The following ROBO2 variants were observed in gnomAD, a reference collection of about 807,000 sequenced individuals.
ROBO2 encodes the protein roundabout guidance receptor 2.
ROBO2 carries 53 observed loss-of-function variants against 160.8 expected under a neutral mutation model. The ratio of observed to expected loss-of-function variants is 0.33; its 90% CI spans 0.26 to 0.41. The LOEUF (loss-of-function observed/expected upper bound fraction) is 0.41. Ranked by LOEUF, ROBO2 falls within the 10% of genes least tolerant of loss-of-function variation. The pLI is 1.00. For missense variants in ROBO2, 1,577 were observed against 1,722.4 expected (o/e 0.92, Z 1.49); for synonymous variants, 664 against 611.7 (o/e 1.09, Z -1.26).
intron 2 of ROBO2, among the ~76,000 whole-genome samples, chr3:76,468,570 T>G (rs530571658): frequency 1.3e-5 from 2 of 152,228 alleles, no homozygotes; most frequent in East Asian, 3.9e-4. Context: ...TGCCTTTATA[T>G]AATGTGGCCT....
chr3:76,940,849 G>C (rs2078140958), intron 2 of ROBO2, among the ~76,000 whole-genome samples: 1 of 152,138 alleles, frequency 6.6e-6, no homozygotes, highest in African/African-American at 2.4e-5. Flanking sequence ...TCATCTGCAG[G>C]CTGATGATAT....
chr3:77,202,722 ATTC>A (rs1470379095), intron 2 of ROBO2, among the ~76,000 whole-genome samples: 3 of 150,822 alleles, frequency 2.0e-5, no homozygotes, highest in Non-Finnish European at 4.4e-5. Flanking sequence ...TCTTCCTCAC[ATTC>A]TTCTTCTCTT....
At chr3:76,067,024 G>A (rs890564745) in intron 2 of ROBO2, among the ~76,000 whole-genome samples, 1 of 152,004 alleles carries the variant, frequency 6.6e-6, no homozygotes, top group Admixed American at 6.6e-5. Context: ...GGACAAATAC[G>A]AGTCTCCAGC....
intron 2 of ROBO2, among the ~76,000 whole-genome samples, chr3:76,595,409 C>G (rs1282770082): frequency 6.6e-6 from 1 of 151,792 alleles, no homozygotes; most frequent in Non-Finnish European, 1.5e-5. Flanking sequence ...ATAACATTTT[C>G]ACAAAAATAT....
chr3:76,683,990 A>T (rs1178581379), intron 2 of ROBO2, among the ~76,000 whole-genome samples: 1 of 152,072 alleles, frequency 6.6e-6, no homozygotes, highest in Non-Finnish European at 1.5e-5. Flanking sequence ...TTCTAGAAAG[A>T]CTTTGCAAAT....
In ROBO2 at chr3:76,740,196, A is replaced by G. The variant is rs531077245; in HGVS notation, c.110-357818A>G. Among the ~76,000 whole-genome samples, 4 of 152,322 alleles carry G rather than the reference A, an allele frequency of 2.6e-5. No individual in the cohort carries two copies. The South Asian group carries it at 8.3e-4, about 32-fold the overall frequency. On this transcript the variant is annotated intron_variant, in intron 2 of 26. Coordinates refer to the ROBO2 transcript ENST00000487694. Reference sequence around the variant, plus strand: ...AAGATACAAAGGAGGATACACTTGTACAAGTTCAATAAGATAAAAAGGAGA... The same window carrying G: ...AAGATACAAAGGAGGATACACTTGTGCAAGTTCAATAAGATAAAAAGGAGA...
intron 2 of ROBO2, among the ~76,000 whole-genome samples, chr3:76,455,095 A>G (rs747808975): frequency 6.6e-6 from 1 of 152,262 alleles, no homozygotes; most frequent in Non-Finnish European, 1.5e-5. Flanking sequence ...CATAAAGTAT[A>G]CAGTGTTTCA....
intron 2 of ROBO2, among the ~76,000 whole-genome samples, chr3:76,058,623 G>A (rs559400833): frequency 2.6e-5 from 2 of 76,216 alleles, no homozygotes; most frequent in East Asian, 5.8e-4. Flanking sequence ...TTGCTATTTG[G>A]TATGCAAGAT....
At chr3:76,180,759 T>C (rs1701465182) in intron 2 of ROBO2, among the ~76,000 whole-genome samples, 1 of 152,162 alleles carries the variant, frequency 6.6e-6, no homozygotes, top group South Asian at 2.1e-4. Flanking sequence ...TTTAAAAGCA[T>C]GAATCAGATT....
chr3:76,049,403 A>ATTTTTTTTTT lies in ROBO2; in HGVS notation c.109+111813_109+111822dup, dbSNP rs1167852972. ...TTTTAGTATATATATATATATATAT[A>ATTTTTTTTTT]TTTTTTTTTTTTTTTTTTTTTGTAG... On this transcript the variant is annotated intron_variant, in intron 2 of 26. Transcript: ENST00000487694. 7.3e-3 allele frequency among the ~76,000 whole-genome samples: 392 copies of ATTTTTTTTTT among 53,724 alleles called. 3 individuals are homozygous for ATTTTTTTTTT. Among genetic ancestry groups the ATTTTTTTTTT allele is most frequent in the Non-Finnish European group, 7.6e-3 (278 of 36,384 alleles). The allele number at this position is 53,724 out of a possible 152,430, so 35.2% of individuals were successfully genotyped here.
chr3:77,177,877 G>A (rs763268344), intron 2 of ROBO2, among the ~76,000 whole-genome samples: 6 of 151,810 alleles, frequency 4.0e-5, no homozygotes, highest in African/African-American at 7.3e-5. Context: ...AATTATGTAC[G>A]TATATGTGCT....
intron 2 of ROBO2, among the ~76,000 whole-genome samples, chr3:76,795,712 C>A (rs974974457): frequency 6.6e-6 from 1 of 152,052 alleles, no homozygotes; most frequent in Admixed American, 6.6e-5. Flanking sequence ...TTTGAACATC[C>A]CATTAATGTT....
At chr3:76,447,958 G>C (rs938444153) in intron 2 of ROBO2, among the ~76,000 whole-genome samples, 2 of 150,786 alleles carry the variant, frequency 1.3e-5, no homozygotes, top group African/African-American at 2.4e-5. Context: ...CGAGTTAATG[G>C]GTGCAGCACA....
chr3:75,976,471 C>G (rs1464911417), intron 2 of ROBO2, among the ~76,000 whole-genome samples: 1 of 151,474 alleles, frequency 6.6e-6, no homozygotes, highest in Non-Finnish European at 1.5e-5. Flanking sequence ...TATAATCCCA[C>G]TTATACAATG....
chr3:77,332,833 A>G (rs975005137), intron 2 of ROBO2, among the ~76,000 whole-genome samples: 8 of 152,322 alleles, frequency 5.3e-5, no homozygotes, highest in Middle Eastern at 3.4e-3. Context: ...TGTTAATATT[A>G]ATGTTAGTAC....
intron 2 of ROBO2, among the ~76,000 whole-genome samples, chr3:76,222,914 C>G (rs1014592554): frequency 6.6e-6 from 1 of 151,968 alleles, no homozygotes; most frequent in Non-Finnish European, 1.5e-5. Context: ...GCCACCATGC[C>G]CAGCTAACTT....
chr3:76,922,303 T>G (rs1182379826), intron 2 of ROBO2, among the ~76,000 whole-genome samples: 1 of 152,100 alleles, frequency 6.6e-6, no homozygotes, highest in African/African-American at 2.4e-5. Flanking sequence ...AGAGTGAAAC[T>G]CCATCAATTA....
intron 2 of ROBO2, among the ~76,000 whole-genome samples, chr3:76,346,101 G>T (rs933098152): frequency 6.6e-6 from 1 of 152,054 alleles, no homozygotes; most frequent in African/African-American, 2.4e-5. Context: ...GATCAGCCTT[G>T]TCCTTCTGGA....
intron 2 of ROBO2, among the ~76,000 whole-genome samples, chr3:77,352,844 G>A (rs1318324765): frequency 2.0e-5 from 3 of 152,070 alleles, no homozygotes; most frequent in South Asian, 2.1e-4. Flanking sequence ...GTGACAAGAC[G>A]GCTAGAGAGA....
Sources: gnomAD v4.1 joint callset for allele counts (sites outside exome capture counted in the v4.1 genomes callset) on GRCh38, gnomAD v4.1.1 for gene constraint, MANE v1.5 for transcripts, NCBI Gene and HGNC (gene_info 2026-07-23, HGNC 2026-07-21) for gene names.